The following TMF1 variants were observed in gnomAD, a reference collection of about 807,000 sequenced individuals.
TMF1 encodes TATA element modulatory factor.
TMF1 carries 71 observed loss-of-function variants against 126.5 expected under a neutral mutation model. The observed-to-expected ratio is 0.56, with a 90% confidence interval of 0.46 to 0.68. TMF1 has a LOEUF of 0.68. TMF1 is among the 30% of genes least tolerant of loss of function. TMF1 has a pLI of 0.00. For missense variants in TMF1, 1,259 were observed against 1,253.2 expected (o/e 1.00, Z -0.07); for synonymous variants, 461 against 430.5 (o/e 1.07, Z -0.88).
chr3:69,028,642 A>G (rs1331411580), intron 11 of TMF1, among the ~76,000 whole-genome samples: 5 of 152,262 alleles, frequency 3.3e-5, no homozygotes, highest in East Asian at 1.9e-4. Flanking sequence ...AAATGTTTCT[A>G]AAAGTTCAGA....
chr3:69,041,839 C>G (rs952698299), intron 5 of TMF1, among the ~76,000 whole-genome samples: 6 of 151,968 alleles, frequency 3.9e-5, no homozygotes, highest in African/African-American at 1.4e-4. Flanking sequence ...TCAAAACTTT[C>G]TACAAGTAGC....
intron 5 of TMF1, chr3:69,040,335 T>C (rs2091856629): frequency 6.6e-6 from 1 of 152,262 alleles, no homozygotes; most frequent in Admixed American, 6.5e-5. Context: ...TATTAAAATA[T>C]ATGCTGGATT....
chr3:69,032,021 T>A (rs780610373), intron 10 of TMF1, among the ~76,000 whole-genome samples: 3 of 152,208 alleles, frequency 2.0e-5, no homozygotes, highest in Non-Finnish European at 2.9e-5. Context: ...ACCTATAAAT[T>A]TAAATATATA....
chr3:69,048,767 G>A (rs367745212), intron 1 of TMF1: 47 of 460,200 alleles, frequency 1.0e-4, no homozygotes, highest in African/African-American at 8.8e-4. Flanking sequence ...ACTGGTGTGG[G>A]TCCACCTGAG....
At chr3:69,032,546 TTTTC>T (rs2091808402) in intron 10 of TMF1, among the ~76,000 whole-genome samples, 1 of 152,272 alleles carries the variant, frequency 6.6e-6, no homozygotes, top group South Asian at 2.1e-4. Flanking sequence ...AGAATAATAC[TTTTC>T]TTTTTATTAA....
intron 3 of TMF1, among the ~76,000 whole-genome samples, 187 bp from the exon 4 acceptor site, chr3:69,044,063 A>G (rs893154250): frequency 6.6e-6 from 1 of 152,194 alleles, no homozygotes; most frequent in African/African-American, 2.4e-5. Flanking sequence ...ATTTTAAAAC[A>G]CCTCAAAGAA....
chr3:69,042,642 T>C (rs765545925), intron 5 of TMF1, 165 bp downstream of exon 5: 5 of 708,204 alleles, frequency 7.1e-6, no homozygotes, highest in African/African-American at 3.5e-5. Context: ...TGTCTCAATA[T>C]ATCTTATTCC....
Position 69,031,930 on chromosome 3 carries a change from A to G in TMF1, c.2401+1618T>C, listed in dbSNP as rs116415392. On this transcript the variant is annotated intron_variant, in intron 10 of 16. Transcript: ENST00000398559. ...TATTGCTAAATATTTATTTCAAAAG[A>G]TATCATTTTCAGATGTCTCATATTT... Among the ~76,000 whole-genome samples the G allele has an allele frequency of 7.4e-4, 113 of 152,350 alleles. 2 individuals are homozygous for G. Among genetic ancestry groups the G allele is most frequent in the African/African-American group, 2.5e-3 (102 of 41,590 alleles).
chr3:69,035,231 T>C, intron 8 of TMF1, 116 bp from the exon 9 acceptor site: 1 of 777,250 alleles, frequency 1.3e-6, no homozygotes, highest in Non-Finnish European at 2.1e-6. Context: ...TTTCATACTC[T>C]CCAATGAACT....
At chr3:69,033,766 C>G in intron 9 of TMF1, 62 bp from the exon 10 acceptor site, 1 of 1,412,374 alleles carries the variant, frequency 7.1e-7, no homozygotes, top group Non-Finnish European at 9.5e-7. Context: ...AAAACACTAG[C>G]AAACCTGAAC....
intron 9 of TMF1, 157 bp downstream of exon 9, chr3:69,034,866 C>A (rs2091823813): frequency 3.1e-6 from 2 of 651,240 alleles, no homozygotes; most frequent in East Asian, 2.6e-5. Flanking sequence ...TTAAGGTGCC[C>A]ACTCTGATTT....
chr3:69,035,019 G>A lies in TMF1; in HGVS notation c.2244+4C>T, dbSNP rs775055731. 5.0e-5 allele frequency: 81 copies of A among 1,612,578 alleles called. No homozygotes were observed. Among genetic ancestry groups the A allele is most frequent in the Non-Finnish European group, 6.6e-5 (78 of 1,178,748 alleles). On this transcript the variant is annotated splice_donor_region_variant and intron_variant, in intron 9 of 16. Transcript: ENST00000398559. ...ATTTGTGTTTTGGAAACCTGTGACA[G>A]TACCTGCTGAAGTTCACCGATCTCA...
intron 5 of TMF1, among the ~76,000 whole-genome samples, chr3:69,041,372 T>C (rs1013292456): frequency 1.3e-5 from 2 of 152,174 alleles, no homozygotes; most frequent in East Asian, 1.9e-4. Context: ...GTATCAAACA[T>C]AGTATCTGAC....
At position 69,025,556 on chromosome 3, in the gene TMF1, A is replaced by G. The variant is rs2091763122; in HGVS notation, c.3012+4T>C. 3 of 1,604,568 alleles carry G rather than the reference A, an allele frequency of 1.9e-6. No individual in the cohort carries two copies. Among genetic ancestry groups the G allele is most frequent in the Non-Finnish European group, 1.7e-6 (2 of 1,176,610 alleles). On this transcript the variant is annotated splice_donor_region_variant and intron_variant, in intron 15 of 16. Transcript: ENST00000398559. ...TTCTATAGCAAATTTAATTTTTCCA[A>G]TACCTGTAAATGAGTGATTTCCCCT...
chr3:69,032,269 C>T (rs115971285), intron 10 of TMF1, among the ~76,000 whole-genome samples: 47 of 152,262 alleles, frequency 3.1e-4, no homozygotes, highest in African/African-American at 1.1e-3. Context: ...TTCACCCCCC[C>T]GATTCACAAG....
rs1447024240 is a variant in TMF1, at chr3:69,047,367, A to G, written c.1338T>C (p.Asp446=). ...SQPEALSEKE[D]VCKTVEFLNE... is the part of the protein sequence containing the mutation. ...CACTTACTAGAGTTACCTTGCAAAC[A>G]TCTTCCTTCTCAGAAAGTGCTTCTG... is the stretch of plus-strand genomic sequence containing the variant. Residue 446 remains aspartate, a synonymous_variant, in exon 2 of 17, where the codon GAT becomes GAC. Coordinates refer to ENST00000398559, the MANE Select transcript of TMF1 (RefSeq NM_007114.3). The G allele has an allele frequency of 1.3e-6, 2 of 1,585,842 alleles. No individual in the cohort carries two copies. Among genetic ancestry groups the G allele is most frequent in the East Asian group, 2.2e-5 (1 of 44,506 alleles).
At chr3:69,050,127 A>C (rs922813279) in intron 1 of TMF1, among the ~76,000 whole-genome samples, 2 of 151,812 alleles carry the variant, frequency 1.3e-5, no homozygotes, top group African/African-American at 4.8e-5. Flanking sequence ...AGGTGTGGTG[A>C]CGCAAACCTG....
At chr3:69,035,181 T>C in intron 8 of TMF1, 66 bp from the exon 9 acceptor site, 1 of 1,302,906 alleles carries the variant, frequency 7.7e-7, no homozygotes, top group Non-Finnish European at 1.1e-6. Flanking sequence ...TCCCACTAAC[T>C]ACATATTTTG....
chr3:69,051,088 T>C (rs1456513363), intron 1 of TMF1, among the ~76,000 whole-genome samples: 1 of 152,236 alleles, frequency 6.6e-6, no homozygotes, highest in Non-Finnish European at 1.5e-5. Flanking sequence ...CCGTGTGACC[T>C]AGAGCAAGTT....
Sources: allele counts gnomAD v4.1 joint callset (sites outside exome capture counted in the v4.1 genomes callset), GRCh38; gene constraint gnomAD v4.1.1; transcripts MANE v1.5; gene names NCBI Gene and HGNC (gene_info 2026-07-23, HGNC 2026-07-21).